RIPOR2: variants seen among roughly 807,000 people sequenced by gnomAD.
The protein encoded by RIPOR2 is RHO family interacting cell polarization regulator 2.
RIPOR2 carries 39 observed loss-of-function variants against 114.5 expected under a neutral mutation model. The observed-to-expected ratio is 0.34, with a 90% confidence interval of 0.26 to 0.44. The LOEUF (loss-of-function observed/expected upper bound fraction) is 0.44, where lower values mean the gene tolerates loss of function less well. RIPOR2 is among the 20% of genes least tolerant of loss of function. The pLI is 1.00. For missense variants in RIPOR2, 1,007 were observed against 1,255.1 expected (o/e 0.80, Z 2.99); for synonymous variants, 445 against 484.4 (o/e 0.92, Z 1.07).
At chr6:24,889,879 A>AT (rs1476931386) in intron 1 of RIPOR2, among the ~76,000 whole-genome samples, 2 of 151,864 alleles carry the variant, frequency 1.3e-5, no homozygotes, top group Admixed American at 6.6e-5. Context: ...CTGTATGTTC[A>AT]TTTTTTTATT....
chr6:24,935,765 G>A (rs531852616), intron 1 of RIPOR2, 73 bp downstream of exon 1: 3 of 1,095,314 alleles, frequency 2.7e-6, no homozygotes, highest in East Asian at 5.1e-5. Context: ...GCCCAAGCTG[G>A]GCAAAAGTGT....
At chr6:24,882,246 T>A (rs1253639623) in intron 1 of RIPOR2, among the ~76,000 whole-genome samples, 2 of 152,222 alleles carry the variant, frequency 1.3e-5, no homozygotes, top group Admixed American at 6.5e-5. Context: ...TTTGATTAGC[T>A]TGAGTTAGCA....
intron 1 of RIPOR2, among the ~76,000 whole-genome samples, chr6:25,010,616 A>C (rs766425522): frequency 6.6e-6 from 1 of 152,206 alleles, no homozygotes; most frequent in Non-Finnish European, 1.5e-5. Context: ...CTAGAACTCT[A>C]TACTAGGATT....
rs1314113991 is a variant in RIPOR2 at position 24,843,572 on chromosome 6, C to T, written c.1165-18G>A. 1 of 1,450,088 alleles carries T rather than the reference C, an allele frequency of 6.9e-7. No individual in the cohort carries two copies. Among genetic ancestry groups the T allele is most frequent in the Non-Finnish European group, 9.2e-7 (1 of 1,086,372 alleles). The allele number at this position is 1,450,088 out of a possible 1,614,324, so 89.8% of individuals were successfully genotyped here. The stretch of plus-strand genomic sequence containing the variant: ...AGATTTGACTATAGATAAAAGATAC[C>T]TCATTATTATTTTCAATACAAATGA... On this transcript the variant is annotated intron_variant, in intron 12 of 21. Transcript: ENST00000643898.
chr6:24,808,628 T>C (rs959784069), intron 21 of RIPOR2, among the ~76,000 whole-genome samples: 1 of 152,164 alleles, frequency 6.6e-6, no homozygotes, highest in South Asian at 2.1e-4. Flanking sequence ...TTAGTATCAC[T>C]AAACAAGGGT....
At chr6:24,840,392 C>T (rs2113717655) in intron 13 of RIPOR2, 1 of 1,170,428 alleles carries the variant, frequency 8.5e-7, no homozygotes, top group African/African-American at 1.6e-5. Flanking sequence ...GGGAGCAATC[C>T]CATTCTCTGG....
chr6:24,957,516 T>C (rs564049470), intron 1 of RIPOR2, among the ~76,000 whole-genome samples: 1 of 152,268 alleles, frequency 6.6e-6, no homozygotes, highest in Non-Finnish European at 1.5e-5. Context: ...GTAAGGGCAT[T>C]TGATAGAGCC....
At chr6:24,903,012 G>A (rs1768628105) in intron 1 of RIPOR2, among the ~76,000 whole-genome samples, 1 of 152,238 alleles carries the variant, frequency 6.6e-6, no homozygotes, top group Non-Finnish European at 1.5e-5. Context: ...AACAACAGCA[G>A]TGAGTCAGGA....
At chr6:25,024,412 C>T in intron 1 of RIPOR2, 1 of 1,123,396 alleles carries the variant, frequency 8.9e-7, no homozygotes, top group Non-Finnish European at 1.4e-6. Flanking sequence ...TGTTCCTTCA[C>T]CCACACGAGG....
At chr6:24,912,738 A>G (rs1769759648) in intron 1 of RIPOR2, among the ~76,000 whole-genome samples, 1 of 151,980 alleles carries the variant, frequency 6.6e-6, no homozygotes, top group Non-Finnish European at 1.5e-5. Context: ...CCTGACATCC[A>G]CCCTGGAGAG....
At chr6:24,915,012 C>A (rs1287733924) in intron 1 of RIPOR2, among the ~76,000 whole-genome samples, 1 of 152,162 alleles carries the variant, frequency 6.6e-6, no homozygotes, top group East Asian at 1.9e-4. Context: ...TCTGTAACTA[C>A]CTGTGTCTAT....
At chr6:25,014,770 T>A (rs1023879223) in intron 1 of RIPOR2, among the ~76,000 whole-genome samples, 1 of 152,118 alleles carries the variant, frequency 6.6e-6, no homozygotes, top group African/African-American at 2.4e-5. Context: ...TGATCGAAAG[T>A]TGTGTGTAAC....
chr6:24,924,958 C>T (rs1184365642), intron 1 of RIPOR2, among the ~76,000 whole-genome samples: 1 of 151,986 alleles, frequency 6.6e-6, no homozygotes, highest in East Asian at 1.9e-4. Context: ...TGACAAAATT[C>T]AAAATATAAT....
intron 1 of RIPOR2, chr6:24,977,030 C>T: frequency 3.5e-6 from 5 of 1,440,802 alleles, no homozygotes; most frequent in Non-Finnish European, 2.9e-6. Context: ...TTCTGTAGCT[C>T]AGGAGAGCAC....
At chr6:24,865,615 C>T (rs1764529215) in intron 6 of RIPOR2, among the ~76,000 whole-genome samples, 165 bp from the exon 7 acceptor site, 1 of 152,194 alleles carries the variant, frequency 6.6e-6, no homozygotes, top group Non-Finnish European at 1.5e-5. Context: ...ATTGTAGCCA[C>T]TGTGATACAT....
At chr6:24,910,289 C>A (rs565777585) in intron 1 of RIPOR2, among the ~76,000 whole-genome samples, 68 of 152,282 alleles carry the variant, frequency 4.5e-4, no homozygotes, top group South Asian at 6.2e-4. Context: ...AATTCAGACA[C>A]GGTGAGGAAC....
chr6:24,984,193 G>A (rs1399998461), intron 1 of RIPOR2, among the ~76,000 whole-genome samples: 1 of 152,260 alleles, frequency 6.6e-6, no homozygotes, highest in Non-Finnish European at 1.5e-5. Flanking sequence ...ACGCGTCCGT[G>A]TGAAGAGACC....
rs34540028 is a variant in RIPOR2, at chr6:24,843,698, CGTGTGTGTGTGTGT to C, written c.1165-158_1165-145del. On this transcript the variant is annotated intron_variant, in intron 12 of 21. Coordinates refer to ENST00000643898, the MANE Select transcript of RIPOR2 (RefSeq NM_001286445.3). ...ATGTTAGCATTTTATTTGTTGATGC[CGTGTGTGTGTGTGT>C]GTGTGTGTGTGTGTGTGTGTGTGTG... The C allele has an allele frequency of 0.019, 6,897 of 368,260 alleles. 159 individuals are homozygous for C. Among genetic ancestry groups the C allele is most frequent in the African/African-American group, 0.087 (3,803 of 43,620 alleles). The allele number at this position is 368,260 out of a possible 1,614,324, so 22.8% of individuals were successfully genotyped here. A position where few individuals can be genotyped will look rare whatever the true frequency, so the allele number is the denominator to read the frequency against.
chr6:25,003,619 C>T (rs1035102398), intron 1 of RIPOR2, among the ~76,000 whole-genome samples: 19 of 151,764 alleles, frequency 1.3e-4, no homozygotes, highest in African/African-American at 3.9e-4. Flanking sequence ...TTGGTGGAGA[C>T]GGGGTCTTAC....
Sources: gnomAD v4.1 joint callset for allele counts (sites outside exome capture counted in the v4.1 genomes callset) on GRCh38, gnomAD v4.1.1 for gene constraint, MANE v1.5 for transcripts, NCBI Gene and HGNC (gene_info 2026-07-23, HGNC 2026-07-21) for gene names.